Variants in FGF14 observed in about 807,000 individuals in gnomAD.
The protein encoded by FGF14 is fibroblast growth factor 14.
Under a neutral mutation model 25.5 loss-of-function variants are expected in FGF14, and 5 were observed. The observed-to-expected ratio is 0.20, with a 90% CI of 0.10 to 0.41. The LOEUF is 0.41. FGF14 is among the 10% of genes least tolerant of loss of function. FGF14 has a pLI of 1.00. For synonymous variants in FGF14, 138 were observed against 118.3 expected (o/e 1.17, Z -1.08); for missense variants, 222 against 320.1 (o/e 0.69, Z 2.34).
At chr13:102,108,075 A>T (rs1433874602) in intron 1 of FGF14, among the ~76,000 whole-genome samples, 1 of 152,226 alleles carries the variant, frequency 6.6e-6, no homozygotes, top group Admixed American at 6.5e-5. Flanking sequence ...ATTATATTTA[A>T]TAACTTATGA....
chr13:101,935,068 C>G (rs868353127), intron 1 of FGF14, among the ~76,000 whole-genome samples: 1 of 152,220 alleles, frequency 6.6e-6, no homozygotes. Context: ...GCTACAGATA[C>G]AGTACACTGA....
intron 1 of FGF14, among the ~76,000 whole-genome samples, chr13:102,298,507 G>T (rs891860750): frequency 6.6e-6 from 1 of 152,128 alleles, no homozygotes; most frequent in Non-Finnish European, 1.5e-5. Flanking sequence ...ACATTCTATT[G>T]AAGGTGATTT....
chr13:101,896,120 G>A (rs934900012), intron 1 of FGF14, among the ~76,000 whole-genome samples: 2 of 152,140 alleles, frequency 1.3e-5, no homozygotes, highest in African/African-American at 4.8e-5. Flanking sequence ...CATTTGCAAA[G>A]TTTGCTAGCT....
At chr13:102,337,148 T>C (rs2056811712) in intron 1 of FGF14, among the ~76,000 whole-genome samples, 2 of 152,342 alleles carry the variant, frequency 1.3e-5, no homozygotes, top group South Asian at 2.1e-4. Flanking sequence ...ATTCCTCTGA[T>C]GGGCCTGTGT....
intron 3 of FGF14, among the ~76,000 whole-genome samples, chr13:101,771,576 G>A (rs528378662): frequency 1.2e-4 from 18 of 151,978 alleles, no homozygotes; most frequent in African/African-American, 3.4e-4. Context: ...TAGACTTCAG[G>A]CAAATACACA....
chr13:102,210,546 T>C (rs775789284), intron 1 of FGF14, among the ~76,000 whole-genome samples: 5 of 152,138 alleles, frequency 3.3e-5, no homozygotes, highest in Non-Finnish European at 7.4e-5. Flanking sequence ...AAAATTATTT[T>C]GGGGGTGGGT....
chr13:102,210,022 T>C (rs888009766), intron 1 of FGF14, among the ~76,000 whole-genome samples: 115 of 152,076 alleles, frequency 7.6e-4, no homozygotes, highest in African/African-American at 2.6e-3. Flanking sequence ...ATAAACTAAT[T>C]AAAATATTTA....
chr13:101,783,267 C>A (rs776647338), intron 3 of FGF14, among the ~76,000 whole-genome samples: 1 of 152,014 alleles, frequency 6.6e-6, no homozygotes, highest in Non-Finnish European at 1.5e-5. Context: ...GTCAGGAGAT[C>A]AAGACCATCC....
At chr13:101,887,393 T>C (rs531385293) in intron 1 of FGF14, among the ~76,000 whole-genome samples, 1 of 151,992 alleles carries the variant, frequency 6.6e-6, no homozygotes, top group African/African-American at 2.4e-5. Flanking sequence ...GGAATTTATA[T>C]AATATACAAT....
intron 1 of FGF14, among the ~76,000 whole-genome samples, chr13:102,376,638 A>G (rs1178438334): frequency 6.6e-6 from 1 of 152,236 alleles, no homozygotes; most frequent in African/African-American, 2.4e-5. Context: ...TCCTGGAAAA[A>G]GAAAACCCTC....
intron 1 of FGF14, among the ~76,000 whole-genome samples, chr13:102,144,557 AAAGAG>A (rs60373568): frequency 0.14 from 21,067 of 151,988 alleles, 1,459 homozygotes; most frequent in East Asian, 0.15. Context: ...TATATAAATA[AAAGAG>A]AATAGAGTCC....
At chr13:101,789,499 C>T (rs956150354) in intron 3 of FGF14, among the ~76,000 whole-genome samples, 4 of 152,132 alleles carry the variant, frequency 2.6e-5, no homozygotes, top group Non-Finnish European at 5.9e-5. Flanking sequence ...AAATTAGATC[C>T]TCTTTTTGAA....
intron 1 of FGF14, among the ~76,000 whole-genome samples, chr13:102,137,984 G>A (rs550787610): frequency 2.7e-4 from 41 of 150,184 alleles, no homozygotes; most frequent in Admixed American, 6.0e-4. Context: ...GTTCTGAGAA[G>A]TCCTTGTGAG....
intron 3 of FGF14, among the ~76,000 whole-genome samples, chr13:101,823,446 G>A (rs554975699): frequency 1.3e-5 from 2 of 149,058 alleles, no homozygotes; most frequent in Admixed American, 1.3e-4. Context: ...TTATATATTT[G>A]TTTGTTTTGA....
intron 1 of FGF14, among the ~76,000 whole-genome samples, chr13:102,322,835 C>G (rs2056296715): frequency 6.6e-6 from 1 of 151,884 alleles, no homozygotes; most frequent in Non-Finnish European, 1.5e-5. Flanking sequence ...ACATACATTC[C>G]CGTACTGTCC....
intron 3 of FGF14, among the ~76,000 whole-genome samples, chr13:101,773,548 G>A (rs1376485730): frequency 6.6e-6 from 1 of 152,020 alleles, no homozygotes; most frequent in African/African-American, 2.4e-5. Context: ...TAGAGAGGTA[G>A]AAAGAAAATG....
chr13:101,917,184 C>T (rs1469810543), upstream of FGF14, among the ~76,000 whole-genome samples: 1 of 151,714 alleles, frequency 6.6e-6, no homozygotes, highest in Admixed American at 6.6e-5. Context: ...CCGCCGGCGC[C>T]GCCCGCTCTC....
At chr13:102,360,663 GAGA>G (rs2057539219) in intron 1 of FGF14, among the ~76,000 whole-genome samples, 1 of 152,228 alleles carries the variant, frequency 6.6e-6, no homozygotes, top group Non-Finnish European at 1.5e-5. Context: ...AAAAATTAGC[GAGA>G]AGAATACAAA....
intron 1 of FGF14, among the ~76,000 whole-genome samples, chr13:102,260,148 G>A (rs2052651017): frequency 6.6e-6 from 1 of 152,182 alleles, no homozygotes; most frequent in African/African-American, 2.4e-5. Context: ...AGAAGCGGGA[G>A]GAGGGGAGGA....
Sources: allele counts gnomAD v4.1 joint callset (sites outside exome capture counted in the v4.1 genomes callset), GRCh38; gene constraint gnomAD v4.1.1; transcripts MANE v1.5; gene names NCBI Gene and HGNC (gene_info 2026-07-23, HGNC 2026-07-21).